RIGI: variants seen among roughly 807,000 people sequenced by gnomAD.
RIGI encodes antiviral innate immune response receptor RIG-I.
chr9:32,494,001 A>T, the RIGI span: 1 of 1,277,474 alleles, frequency 7.8e-7, no homozygotes. Context: ...ATACTTTGAG[A>T]TTAGTATCAT....
chr9:32,473,683 A>G, the RIGI span, among the ~76,000 whole-genome samples: 1 of 152,208 alleles, frequency 6.6e-6, no homozygotes, highest in Non-Finnish European at 1.5e-5. Flanking sequence ...AGATCAATAT[A>G]CATAATTCAA....
chr9:32,478,811 C>T, the RIGI span, among the ~76,000 whole-genome samples: 1 of 152,188 alleles, frequency 6.6e-6, no homozygotes, highest in South Asian at 2.1e-4. Flanking sequence ...CCACCCACCT[C>T]AGCCTCCCAA....
the RIGI span, chr9:32,473,035 T>G: frequency 1.2e-6 from 2 of 1,611,318 alleles, no homozygotes; most frequent in Non-Finnish European, 1.7e-6. Context: ...AAACTGAGTT[T>G]AGGATTTCCT....
the RIGI span, chr9:32,487,965 A>G: frequency 1.2e-6 from 2 of 1,614,052 alleles, no homozygotes; most frequent in Middle Eastern, 1.7e-4. Context: ...GGGCCTGAAG[A>G]TCCTCCAAGT....
chr9:32,487,501 G>C, the RIGI span: 1 of 1,614,172 alleles, frequency 6.2e-7, no homozygotes. Flanking sequence ...ACTTGCTCCA[G>C]TTCCTCCAGA....
the RIGI span, among the ~76,000 whole-genome samples, chr9:32,505,747 A>C: frequency 6.6e-6 from 1 of 152,198 alleles, no homozygotes; most frequent in Admixed American, 6.5e-5. Context: ...ACCTACATCA[A>C]CTTTTAGTGG....
chr9:32,524,146 C>A, the RIGI span, among the ~76,000 whole-genome samples: 1 of 152,140 alleles, frequency 6.6e-6, no homozygotes, highest in African/African-American at 2.4e-5. Context: ...TTATTATTTA[C>A]TATTTTGTTA....
the RIGI span, among the ~76,000 whole-genome samples, chr9:32,498,715 G>A: frequency 6.6e-6 from 1 of 152,122 alleles, no homozygotes. Context: ...GGGTGCAGTG[G>A]CTCATGCCTG....
the RIGI span, among the ~76,000 whole-genome samples, chr9:32,514,841 A>G: frequency 3.9e-5 from 6 of 152,332 alleles, no homozygotes; most frequent in African/African-American, 1.4e-4. Flanking sequence ...GCATTACAAG[A>G]ACTCCTTTTT....
the RIGI span, among the ~76,000 whole-genome samples, chr9:32,520,612 C>G: frequency 0.56 from 84,941 of 151,830 alleles, 24,229 homozygotes; most frequent in Middle Eastern, 0.68. Context: ...AACTATTGCA[C>G]AAAAGGTGAG....
the RIGI span, among the ~76,000 whole-genome samples, chr9:32,483,351 G>A: frequency 3.9e-5 from 6 of 152,174 alleles, no homozygotes; most frequent in Admixed American, 3.9e-4. Flanking sequence ...AAGAAGATGA[G>A]CCAACAGGTA....
At chr9:32,517,623 T>G in the RIGI span, among the ~76,000 whole-genome samples, 1 of 152,254 alleles carries the variant, frequency 6.6e-6, no homozygotes, top group Non-Finnish European at 1.5e-5. Flanking sequence ...CTAGATAATT[T>G]GAGGTATCAG....
the RIGI span, chr9:32,488,724 T>C: frequency 6.3e-7 from 1 of 1,595,690 alleles, no homozygotes; most frequent in Non-Finnish European, 8.5e-7. Flanking sequence ...GAAGCAACTA[T>C]TATACCTACC....
At chr9:32,457,939 T>A in the RIGI span, among the ~76,000 whole-genome samples, 2 of 151,996 alleles carry the variant, frequency 1.3e-5, no homozygotes, top group African/African-American at 2.4e-5. Context: ...CAGGAAAACA[T>A]AGGGTCTAAA....
the RIGI span, among the ~76,000 whole-genome samples, chr9:32,474,202 C>CAAAAAAAAA: frequency 2.0e-5 from 1 of 50,924 alleles, no homozygotes; most frequent in African/African-American, 8.6e-5. Flanking sequence ...GACCCTGTCT[C>CAAAAAAAAA]AAAAAAAAAA....
the RIGI span, among the ~76,000 whole-genome samples, chr9:32,522,028 G>C: frequency 3.9e-5 from 6 of 152,124 alleles, no homozygotes; most frequent in Non-Finnish European, 7.4e-5. Context: ...GATAACTTTG[G>C]AGACTGTGCC....
chr9:32,489,073 C>A, the RIGI span, among the ~76,000 whole-genome samples: 3 of 152,084 alleles, frequency 2.0e-5, no homozygotes, highest in Admixed American at 1.3e-4. Flanking sequence ...AAGTAGCATG[C>A]CAACAGCCAG....
the RIGI span, among the ~76,000 whole-genome samples, chr9:32,503,390 A>C: frequency 1.3e-5 from 2 of 152,144 alleles, no homozygotes; most frequent in Admixed American, 1.3e-4. Flanking sequence ...CAATGCAGAC[A>C]AAACTTCATC....
chr9:32,502,858 G>A, the RIGI span, among the ~76,000 whole-genome samples: 1 of 152,182 alleles, frequency 6.6e-6, no homozygotes, highest in Non-Finnish European at 1.5e-5. Context: ...TCACATGGCT[G>A]TTTTCTTAGA....
Sources: allele counts gnomAD v4.1 joint callset (sites outside exome capture counted in the v4.1 genomes callset), GRCh38; gene constraint gnomAD v4.1.1; transcripts MANE v1.5; gene names NCBI Gene and HGNC (gene_info 2026-07-23, HGNC 2026-07-21).